Variants in DNM1 observed in about 807,000 individuals in gnomAD.
DNM1 encodes the protein dynamin-1.
Under a neutral mutation model 104.6 loss-of-function variants are expected in DNM1, and 29 were observed. The ratio of observed to expected loss-of-function variants is 0.28; its 90% confidence interval spans 0.21 to 0.38. The LOEUF is 0.38. Among genes scored for constraint, DNM1 ranks in the 10% least tolerant of loss-of-function variants. The pLI is 1.00. For missense variants in DNM1, 640 were observed against 1,189.4 expected, an observed-to-expected ratio of 0.54 and a Z score of 6.79; for synonymous variants, 445 against 475.8, an observed-to-expected ratio of 0.94 and a Z score of 0.84.
rs182914141 is a variant in DNM1, at chr9:128,208,908, G to A, written c.161+5277G>A. Among the ~76,000 whole-genome samples the A allele has an allele frequency of 5.9e-5, 9 of 152,298 alleles. No individual in the cohort carries two copies. The East Asian group carries it at 1.7e-3, about 29-fold the overall frequency. On this transcript the variant is annotated intron_variant, in intron 1 of 21. Coordinates refer to ENST00000372923, the MANE Select transcript of DNM1 (RefSeq NM_004408.4). ...TCAAGCCAAGGTGTGGACTTCCGCA[G>A]GTGCAGGGACTGTCCTGAGCAAAGA... is the stretch of plus-strand genomic sequence containing the variant.
At chr9:128,226,258 C>A in intron 10 of DNM1, 3 of 1,567,418 alleles carry the variant, frequency 1.9e-6, no homozygotes, top group Non-Finnish European at 1.7e-6. Flanking sequence ...ATCTGCTGAG[C>A]CGGCCTCACG....
rs1430929380 is a variant in DNM1, at chr9:128,220,007, C to T, written c.609C>T (p.Val203=). Residue 203 remains valine, a synonymous_variant, in exon 5 of 22, where the codon GTC becomes GTT. Coordinates refer to ENST00000372923, the MANE Select transcript of DNM1 (RefSeq NM_004408.4). The surrounding 1 kb of genome is among the most constrained non-coding windows in gnomAD (Gnocchi z 5.2). ...ACCCAGGCCAGCGCACCATCGGGGT[C>T]ATCACCAAGCTGGACCTGATGGACG... The part of the protein sequence containing the change: ...VDPQGQRTIG[V]ITKLDLMDEG... 3 of 1,592,404 alleles carry T rather than the reference C, an allele frequency of 1.9e-6. No homozygotes were observed. Among genetic ancestry groups the T allele is most frequent in the East Asian group, 2.3e-5 (1 of 43,822 alleles).
chr9:128,210,772 T>C (rs1001028987), intron 1 of DNM1, among the ~76,000 whole-genome samples: 3 of 152,086 alleles, frequency 2.0e-5, no homozygotes, highest in Non-Finnish European at 4.4e-5. Flanking sequence ...GTCCACACTT[T>C]TCCATGTTTC....
At chr9:128,215,241 C>G (rs3003597) in intron 1 of DNM1, among the ~76,000 whole-genome samples, 84,712 of 152,176 alleles carry the variant, frequency 0.56, 26,197 homozygotes, top group South Asian at 0.71. Flanking sequence ...CAGCCTGGCA[C>G]TGGCTCCTCA....
At chr9:128,252,882 G>A (rs1450457761) in intron 21 of DNM1, 4 of 684,582 alleles carry the variant, frequency 5.8e-6, no homozygotes, top group East Asian at 2.7e-5. Context: ...CATGCTGCAC[G>A]CGCCGCCGGC....
chr9:128,240,616 C>G lies in DNM1; in HGVS notation c.1557+620C>G, dbSNP rs574637071. The stretch of plus-strand genomic sequence containing the variant: ...CATAAGGGGAGGGCTGAGTCTGTCC[C>G]GTTTATCATTAAATCCTCAGCTCAA... On this transcript the variant is annotated intron_variant, in intron 14 of 21. Transcript: ENST00000372923. This position sits in a 1 kb window ranked among gnomAD's most constrained non-coding sequence, Gnocchi z 5.1. 2.0e-5 allele frequency: 3 copies of G among 152,724 alleles called. No individual in the cohort carries two copies. Among genetic ancestry groups the G allele is most frequent in the Non-Finnish European group, 4.4e-5 (3 of 68,536 alleles). 9.5% of individuals were successfully genotyped at this position (152,724 alleles called of 1,614,324 possible).
rs115750361 is a variant in DNM1, at chr9:128,224,482, G to T, written c.1335+93G>T. The T allele has an allele frequency of 1.9e-3, 2,536 of 1,329,856 alleles. 50 individuals are homozygous for T. The African/African-American group carries it at 0.033, about 17-fold the overall frequency. 82.4% of individuals were successfully genotyped at this position (1,329,856 alleles called of 1,614,324 possible). ...TCCCCATGTCCCCCCCTGCCTCCTC[G>T]GTAGCATGTACAGACCTCAGCGGGG... is the stretch of plus-strand genomic sequence containing the variant. On this transcript the variant is annotated intron_variant, in intron 10 of 21. Coordinates refer to ENST00000372923, the MANE Select transcript of DNM1 (RefSeq NM_004408.4). The surrounding 1 kb of genome is among the most constrained non-coding windows in gnomAD (Gnocchi z 4.3).
At chr9:128,208,728 A>C (rs1354879281) in intron 1 of DNM1, among the ~76,000 whole-genome samples, 2 of 152,152 alleles carry the variant, frequency 1.3e-5, no homozygotes, top group Non-Finnish European at 2.9e-5. Context: ...ACAGACATGA[A>C]ATCCACAAAG....
Position 128,254,285 on chromosome 9 carries a change from C to T in DNM1, c.2535-369C>T. ...GGGGCTCCCCAAGGCAAGGGGTGGC[C>T]CCAGGCCAGTGGGTTGGAAGACAGG... On this transcript the variant is annotated intron_variant, in intron 21 of 21. Transcript: ENST00000372923. The surrounding 1 kb of genome is among the most constrained non-coding windows in gnomAD (Gnocchi z 6.1). 1 of 1,392,738 alleles carries T rather than the reference C, an allele frequency of 7.2e-7. No homozygotes were observed. Among genetic ancestry groups the T allele is most frequent in the South Asian group, 1.8e-5 (1 of 56,964 alleles). 86.3% of individuals were successfully genotyped at this position (1,392,738 alleles called of 1,614,324 possible). A position where few individuals can be genotyped will look rare whatever the true frequency, so the allele number is the denominator to read the frequency against.
chr9:128,221,891 T>TC (rs1463380670), intron 6 of DNM1, among the ~76,000 whole-genome samples: 1 of 152,040 alleles, frequency 6.6e-6, no homozygotes, highest in Non-Finnish European at 1.5e-5. Context: ...CGAGTGAAAC[T>TC]CCGTCTCAAA....
At chr9:128,233,874 G>A in intron 10 of DNM1, 147 bp from the exon 11 acceptor site, 2 of 698,878 alleles carry the variant, frequency 2.9e-6, no homozygotes, top group Admixed American at 4.8e-5. Context: ...TCAGCGTCCT[G>A]GGACCCTAGG....
Position 128,224,204 on chromosome 9 carries a change from G to T in DNM1, c.1197-47G>T. 6.3e-7 allele frequency: 1 copy of T among 1,579,714 alleles called. No individual in the cohort carries two copies. The highest frequency in any genetic ancestry group is 8.6e-7 in the Non-Finnish European group (1 of 1,160,418). On this transcript the variant is annotated intron_variant, in intron 9 of 21. Coordinates refer to ENST00000372923, the MANE Select transcript of DNM1 (RefSeq NM_004408.4). This position sits in a 1 kb window ranked among gnomAD's most constrained non-coding sequence, Gnocchi z 4.3. Reference sequence around the variant, plus strand: ...GAGCCTCGGCCTGGCCCTCCTGGCCGGCACTGGCCTGTGACACTCTGCCCT... The same window carrying T: ...GAGCCTCGGCCTGGCCCTCCTGGCCTGCACTGGCCTGTGACACTCTGCCCT...
chr9:128,220,345 G>C lies in DNM1; in HGVS notation c.849+4G>C. On this transcript the variant is annotated splice_donor_region_variant and intron_variant, in intron 6 of 21. Transcript: ENST00000372923. This position sits in a 1 kb window ranked among gnomAD's most constrained non-coding sequence, Gnocchi z 5.2. ...CCTGCAGAAGGTCCTCAATCAGGTA[G>C]GCGACCAAGCCAGGATGGGGCCTGG... 1 of 1,613,278 alleles carries C rather than the reference G, an allele frequency of 6.2e-7. No individual in the cohort carries two copies. Among genetic ancestry groups the C allele is most frequent in the African/African-American group, 1.3e-5 (1 of 75,054 alleles).
At position 128,254,860 on chromosome 9, in the gene DNM1, G is replaced by T. The variant is rs966222897; in HGVS notation, c.*146G>T. ...TGTAGTGGTGAGCTGATACATTCAG[G>T]TGTGACCGTTGGTGAAAACTTGTGC... is the stretch of plus-strand genomic sequence containing the variant. On this transcript the variant is annotated 3_prime_UTR_variant, in exon 22 of 22. Transcript: ENST00000372923. The surrounding 1 kb of genome is among the most constrained non-coding windows in gnomAD (Gnocchi z 6.1). The T allele has an allele frequency of 8.7e-6, 6 of 692,066 alleles. No homozygotes were observed. The African/African-American group carries it at 9.0e-5, about 10-fold the overall frequency. The allele number at this position is 692,066 out of a possible 1,614,324, so 42.9% of individuals were successfully genotyped here. A position where few individuals can be genotyped will look rare whatever the true frequency, so the allele number is the denominator to read the frequency against.
At position 128,243,263 on chromosome 9, in the gene DNM1, G is replaced by T. The variant is rs184592689; in HGVS notation, c.1671+918G>T. Among the ~76,000 whole-genome samples, 69 of 152,298 alleles carry T rather than the reference G, an allele frequency of 4.5e-4. 1 individual carries two copies. The highest frequency in any genetic ancestry group is 2.4e-3 in the Admixed American group (37 of 15,306). On this transcript the variant is annotated intron_variant, in intron 15 of 21. Transcript: ENST00000372923. This position sits in a 1 kb window ranked among gnomAD's most constrained non-coding sequence, Gnocchi z 4.0. The stretch of plus-strand genomic sequence containing the variant: ...ATTTGGCTTTCACATCTGGATTCCA[G>T]AGGTGACCAGAGAGAATGGGGAGGG...
In DNM1 at chr9:128,253,451, G is replaced by T. The variant is rs1829653692; in HGVS notation, c.2535-1203G>T. ...CGTCAGAGAGGGCAGAGAGCTCGTG[G>T]TTTATGGTGTAAAGGCTGGGAGCTT... On this transcript the variant is annotated intron_variant, in intron 21 of 21. Coordinates refer to ENST00000372923, the MANE Select transcript of DNM1 (RefSeq NM_004408.4). This position sits in a 1 kb window ranked among gnomAD's most constrained non-coding sequence, Gnocchi z 5.9. The T allele has an allele frequency of 2.2e-6, 1 of 448,368 alleles. No individual in the cohort carries two copies. The highest frequency in any genetic ancestry group is 2.0e-5 in the African/African-American group (1 of 50,350). The allele number at this position is 448,368 out of a possible 1,614,324, so 27.8% of individuals were successfully genotyped here.
chr9:128,210,677 A>G (rs1038797826), intron 1 of DNM1, among the ~76,000 whole-genome samples: 11 of 152,148 alleles, frequency 7.2e-5, no homozygotes, highest in Non-Finnish European at 8.8e-5. Context: ...CAAAAATGAC[A>G]CAGAGAGCGT....
chr9:128,210,612 C>G (rs1336088216), intron 1 of DNM1, among the ~76,000 whole-genome samples: 1 of 152,174 alleles, frequency 6.6e-6, no homozygotes, highest in Non-Finnish European at 1.5e-5. Flanking sequence ...ATCTGCCCGC[C>G]TTGGCCTTGC....
intron 11 of DNM1, 26 bp downstream of exon 11, chr9:128,234,133 C>A (rs200254833): frequency 5.3e-6 from 8 of 1,500,322 alleles, no homozygotes. Context: ...CCCGGCCTGG[C>A]CGCGCCTTCC....
Sources: gnomAD v4.1 joint callset for allele counts (sites outside exome capture counted in the v4.1 genomes callset) on GRCh38, gnomAD v4.1.1 for gene constraint, Gnocchi (gnomAD v3.1) non-coding constraint, MANE v1.5 for transcripts, NCBI Gene and HGNC (gene_info 2026-07-23, HGNC 2026-07-21) for gene names.